RIMS2: variants seen among roughly 807,000 people sequenced by gnomAD.
RIMS2 encodes the protein regulating synaptic membrane exocytosis 2.
Under a neutral mutation model 174.4 loss-of-function variants are expected in RIMS2, and 59 were observed. The observed-to-expected ratio is 0.34, with a 90% CI of 0.27 to 0.42. The LOEUF (loss-of-function observed/expected upper bound fraction) is 0.42, where lower values mean the gene tolerates loss of function less well. RIMS2 is among the 10% of genes least tolerant of loss of function. The pLI is 1.00. For missense variants in RIMS2, 1,620 were observed against 1,666.3 expected, an observed-to-expected ratio of 0.97 and a Z score of 0.48; for synonymous variants, 606 against 572.5, an observed-to-expected ratio of 1.06 and a Z score of -0.84.
chr8:103,949,086 C>T (rs2084591817), intron 14 of RIMS2, among the ~76,000 whole-genome samples: 1 of 128,150 alleles, frequency 7.8e-6, no homozygotes, highest in South Asian at 2.5e-4. Flanking sequence ...ATGATCACAC[C>T]ACTACACTCC....
At position 103,759,808 on chromosome 8, in the gene RIMS2, C is replaced by T. The variant is rs187941291; in HGVS notation, c.388-6419C>T. Among the ~76,000 whole-genome samples the T allele has an allele frequency of 4.6e-5, 7 of 152,106 alleles. No individual in the cohort carries two copies. In the South Asian group the frequency reaches 8.3e-4, roughly 18 times the overall value. On this transcript the variant is annotated intron_variant, in intron 2 of 23. Coordinates refer to ENST00000504942, the Ensembl canonical transcript of RIMS2. Reference sequence around the variant, plus strand: ...AGTGTTTGGCAGTGCTGGTGGGAACCGAAGTGAGATCAGGTTTATTGAGAA... The same window carrying T: ...AGTGTTTGGCAGTGCTGGTGGGAACTGAAGTGAGATCAGGTTTATTGAGAA...
In RIMS2 at chr8:103,766,567, T is replaced by C. The variant is rs770803083; in HGVS notation, c.698+30T>C. On this transcript the variant is annotated intron_variant, in intron 3 of 23. Coordinates refer to ENST00000504942, the Ensembl canonical transcript of RIMS2. ...ACATTTTGTTTAATCTTTAGGCAAATGTATTACTTTTAGTCTTCATTCCAA... is the reference window on the plus strand; with the variant it reads ...ACATTTTGTTTAATCTTTAGGCAAACGTATTACTTTTAGTCTTCATTCCAA... The C allele has an allele frequency of 4.8e-6, 7 of 1,454,876 alleles. No individual in the cohort carries two copies. In the East Asian group the frequency reaches 1.4e-4, roughly 29 times the overall value. The allele number at this position is 1,454,876 out of a possible 1,614,324, so 90.1% of individuals were successfully genotyped here.
intron 2 of RIMS2, among the ~76,000 whole-genome samples, chr8:103,739,393 G>GT (rs2097730820): frequency 1.3e-5 from 2 of 152,160 alleles, no homozygotes; most frequent in African/African-American, 2.4e-5. Context: ...GTAGAGGGAA[G>GT]GGGGAGGGAT....
At chr8:103,848,556 T>G (rs1320136356) in intron 3 of RIMS2, among the ~76,000 whole-genome samples, 1 of 152,020 alleles carries the variant, frequency 6.6e-6, no homozygotes, top group South Asian at 2.1e-4. Context: ...GCTTCTGGAT[T>G]CGTGGTCACT....
intron 1 of RIMS2, among the ~76,000 whole-genome samples, chr8:103,587,257 T>C (rs1163831488): frequency 6.6e-6 from 1 of 151,992 alleles, no homozygotes; most frequent in Non-Finnish European, 1.5e-5. Flanking sequence ...ATGGCTTCAC[T>C]GCCGAATTCT....
At chr8:103,805,524 T>C (rs1246157640) in intron 3 of RIMS2, among the ~76,000 whole-genome samples, 4 of 152,156 alleles carry the variant, frequency 2.6e-5, no homozygotes, top group Non-Finnish European at 5.9e-5. Context: ...TTTTAAGGTA[T>C]GGTCTGGAAC....
At chr8:104,027,584 G>T (rs1426726094) in intron 19 of RIMS2, among the ~76,000 whole-genome samples, 1 of 152,166 alleles carries the variant, frequency 6.6e-6, no homozygotes, top group African/African-American at 2.4e-5. Context: ...TGATACAAGA[G>T]AAAGAGTGTA....
At chr8:103,608,699 C>A (rs929935837) in intron 1 of RIMS2, among the ~76,000 whole-genome samples, 1 of 152,048 alleles carries the variant, frequency 6.6e-6, no homozygotes. Context: ...CATGGTGCGC[C>A]GTTTTTTAAG....
chr8:103,751,939 A>C (rs1341357306), intron 2 of RIMS2, among the ~76,000 whole-genome samples: 2 of 152,100 alleles, frequency 1.3e-5, no homozygotes, highest in Admixed American at 6.5e-5. Context: ...TGTGCAGAAG[A>C]AGCTCTTTAG....
At chr8:103,595,264 A>T (rs1038163873) in intron 1 of RIMS2, among the ~76,000 whole-genome samples, 1 of 151,862 alleles carries the variant, frequency 6.6e-6, no homozygotes, top group African/African-American at 2.4e-5. Flanking sequence ...ATTTGTGATT[A>T]TGCAATTAAT....
rs146922756 is a variant in RIMS2, at chr8:104,214,597, AC to A, written c.3335-30317del. Among the ~76,000 whole-genome samples, 694 of 152,136 alleles carry A rather than the reference AC, an allele frequency of 4.6e-3. 9 individuals are homozygous for A. The highest frequency in any genetic ancestry group is 0.016 in the African/African-American group (652 of 41,516). On this transcript the variant is annotated intron_variant, in intron 19 of 23. Transcript: ENST00000504942. The stretch of plus-strand genomic sequence containing the variant: ...CGAGTAGCTGAGATTACAGTTGCCC[AC>A]CACCACACCCAGCTAATTTTTGTAT...
chr8:103,768,321 A>C (rs868465519), intron 3 of RIMS2: 3 of 654,638 alleles, frequency 4.6e-6, no homozygotes, highest in Middle Eastern at 5.4e-4. Flanking sequence ...GGCTGCCAGA[A>C]ACTCATTGAA....
chr8:104,029,614 G>A (rs1477163733), intron 19 of RIMS2, among the ~76,000 whole-genome samples: 7 of 152,028 alleles, frequency 4.6e-5, no homozygotes, highest in Non-Finnish European at 2.9e-5. Context: ...TAATTTCAAA[G>A]GTTTATTTTT....
chr8:103,848,985 T>C (rs1322028772), intron 3 of RIMS2, among the ~76,000 whole-genome samples: 1 of 152,082 alleles, frequency 6.6e-6, no homozygotes, highest in African/African-American at 2.4e-5. Flanking sequence ...ACCTTGTCAT[T>C]CTTAATTTGT....
intron 1 of RIMS2, among the ~76,000 whole-genome samples, chr8:103,696,827 C>T (rs1430879298): frequency 1.6e-5 from 2 of 123,168 alleles, no homozygotes; most frequent in Non-Finnish European, 3.1e-5. Flanking sequence ...CGCGTCACTG[C>T]ACTTTAGCCT....
At chr8:103,514,920 AAAAAAC>A (rs1563599192) in intron 1 of RIMS2, among the ~76,000 whole-genome samples, 7 of 151,510 alleles carry the variant, frequency 4.6e-5, no homozygotes, top group African/African-American at 1.7e-4. Context: ...AACAACAACA[AAAAAAC>A]AAAAAAACAA....
chr8:103,955,507 T>C (rs189507454), intron 14 of RIMS2, among the ~76,000 whole-genome samples: 223 of 152,288 alleles, frequency 1.5e-3, no homozygotes, highest in African/African-American at 4.9e-3. Context: ...AACCACATGA[T>C]TATCTCAATA....
intron 3 of RIMS2, among the ~76,000 whole-genome samples, chr8:103,790,830 T>A (rs2098490486): frequency 6.6e-6 from 1 of 152,224 alleles, no homozygotes; most frequent in Admixed American, 6.5e-5. Flanking sequence ...GATTTTATGT[T>A]TACATTGTAA....
At chr8:104,098,279 G>A (rs1287560847) in intron 19 of RIMS2, among the ~76,000 whole-genome samples, 1 of 152,076 alleles carries the variant, frequency 6.6e-6, no homozygotes, top group Non-Finnish European at 1.5e-5. Flanking sequence ...AATTAAACAT[G>A]TTAAAATTTC....
Sources: gnomAD v4.1 joint callset for allele counts (sites outside exome capture counted in the v4.1 genomes callset) on GRCh38, gnomAD v4.1.1 for gene constraint, MANE v1.5 for transcripts, NCBI Gene and HGNC (gene_info 2026-07-23, HGNC 2026-07-21) for gene names.